Variants in USO1 observed in about 807,000 individuals in gnomAD.
USO1 encodes the protein USO1 vesicle transport factor.
In USO1, 57 loss-of-function variants were observed where a neutral mutation model predicts 124.5. That is an observed-to-expected ratio of 0.46 (90% CI 0.37 to 0.57). The LOEUF (loss-of-function observed/expected upper bound fraction) is 0.57. USO1 is among the 20% of genes least tolerant of loss of function. The probability of loss-of-function intolerance (pLI) is 0.00; values close to 1 mark genes in which losing one functional copy is unlikely to be tolerated. For missense variants in USO1, 900 were observed against 1,040.6 expected (o/e 0.86, Z 1.86); for synonymous variants, 369 against 362.8 (o/e 1.02, Z -0.19).
chr4:75,744,026 A>T (rs1226021478), intron 1 of USO1, among the ~76,000 whole-genome samples: 1 of 152,132 alleles, frequency 6.6e-6, no homozygotes, highest in East Asian at 1.9e-4. Context: ...TCCGCCCGCC[A>T]TGGCCTCCCA....
At chr4:75,774,472 T>C (rs1722017551) in intron 7 of USO1, among the ~76,000 whole-genome samples, 1 of 152,220 alleles carries the variant, frequency 6.6e-6, no homozygotes, top group African/African-American at 2.4e-5. Context: ...AAGAGGATTC[T>C]AGTCTAGTGT....
At chr4:75,754,058 A>AT (rs1721365186) in intron 3 of USO1, among the ~76,000 whole-genome samples, 1 of 149,270 alleles carries the variant, frequency 6.7e-6, no homozygotes, top group African/African-American at 2.5e-5. Flanking sequence ...AAGTGCTGGG[A>AT]TTACAGGCGT....
In USO1 at chr4:75,810,458, G is replaced by T; in HGVS notation, c.2502G>T (p.Glu834Asp). Residue 834 changes from glutamate to aspartate, a missense_variant, in exon 22 of 24, where the codon GAG (glutamate) becomes GAT (aspartate). Physicochemically the swap from Glu to Asp is conservative, Grantham distance 45. This residue lies in a region of USO1 where 362 missense variants were observed against 359.0 expected (regional missense o/e 1.01). Coordinates refer to ENST00000514213, the MANE Select transcript of USO1 (RefSeq NM_003715.4). ...AFAKSVEVQGETETIIATKTT... is the reference protein window; with the variant it reads ...AFAKSVEVQGDTETIIATKTT... ...CAAAATCAGTTGAGGTACAAGGAGA[G>T]ACCGAGACTATAATAGCCACCAAAA... The T allele has an allele frequency of 6.2e-7, 1 of 1,612,620 alleles. No individual in the cohort carries two copies.
chr4:75,805,381 G>A (rs147819440), intron 19 of USO1, 78 bp downstream of exon 19: 1 of 1,440,114 alleles, frequency 6.9e-7, no homozygotes, highest in Admixed American at 2.9e-5. Flanking sequence ...TTTTTCCTTG[G>A]ATCTCTTAAG....
chr4:75,748,334 G>A (rs961572451), intron 1 of USO1, among the ~76,000 whole-genome samples: 10 of 151,306 alleles, frequency 6.6e-5, no homozygotes, highest in African/African-American at 1.5e-4. Context: ...GACTACAGGC[G>A]TGCATGACCA....
At chr4:75,733,930 C>G (rs1008222265) in intron 1 of USO1, among the ~76,000 whole-genome samples, 2 of 131,444 alleles carry the variant, frequency 1.5e-5, no homozygotes, top group South Asian at 4.9e-4. Context: ...AGATTTTCTT[C>G]GAGGATTTTT....
intron 1 of USO1, among the ~76,000 whole-genome samples, chr4:75,743,232 G>A (rs986063850): frequency 2.6e-5 from 4 of 152,106 alleles, no homozygotes; most frequent in Non-Finnish European, 4.4e-5. Context: ...TGATCCACCC[G>A]TGTCGGCCTC....
chr4:75,752,633 C>T (rs1413381035), intron 3 of USO1, 29 bp downstream of exon 3: 2 of 398,108 alleles, frequency 5.0e-6, no homozygotes, highest in Non-Finnish European at 8.9e-6. Flanking sequence ...ATTTTTTTCC[C>T]TAATTTTTCT....
At chr4:75,781,850 G>A (rs192838413) in intron 8 of USO1, among the ~76,000 whole-genome samples, 5 of 152,252 alleles carry the variant, frequency 3.3e-5, no homozygotes, top group Admixed American at 6.5e-5. Flanking sequence ...TTGTCGTTAC[G>A]TACAGCATCC....
In USO1 at chr4:75,790,220, C is replaced by T. The variant is rs1280948942; in HGVS notation, c.1067C>T (p.Ala356Val). ...CAAGACTACTTTGCATCTGTAAATGCACCTTCAAACCCACCAAGGTAGAAA... is the reference window on the plus strand; with the variant it reads ...CAAGACTACTTTGCATCTGTAAATGTACCTTCAAACCCACCAAGGTAGAAA... ...VNQDYFASVN[A>V]PSNPPRPAIV... Residue 356 changes from alanine (A) to valine (V), a missense_variant, in exon 11 of 24, where the codon GCA becomes GTA. Coordinates refer to ENST00000514213, the MANE Select transcript of USO1 (RefSeq NM_003715.4). 1.3e-6 allele frequency: 2 copies of T among 1,599,308 alleles called. No homozygotes were observed. The highest frequency in any genetic ancestry group is 1.7e-5 in the Admixed American group (1 of 58,242).
chr4:75,800,192 C>T (rs756449307), intron 14 of USO1, among the ~76,000 whole-genome samples, 159 bp from the exon 15 acceptor site: 4 of 152,098 alleles, frequency 2.6e-5, no homozygotes, highest in Non-Finnish European at 2.9e-5. Flanking sequence ...CCACCTTGGC[C>T]TCCCAAAGTG....
At chr4:75,772,698 TTAAA>T (rs1351248990) in intron 7 of USO1, among the ~76,000 whole-genome samples, 2 of 152,190 alleles carry the variant, frequency 1.3e-5, no homozygotes, top group Admixed American at 1.3e-4. Flanking sequence ...GTCCTGCAAT[TTAAA>T]TAAGAGGATA....
chr4:75,760,561 TTTTTA>T (rs1415955480), intron 4 of USO1: 1 of 397,158 alleles, frequency 2.5e-6, no homozygotes, highest in Non-Finnish European at 4.4e-6. Flanking sequence ...TATCATCCAC[TTTTTA>T]TTTATTTATT....
intron 4 of USO1, among the ~76,000 whole-genome samples, chr4:75,764,658 G>A (rs564042074): frequency 6.6e-6 from 1 of 151,674 alleles, no homozygotes; most frequent in Admixed American, 6.6e-5. Flanking sequence ...AATTTTTAAT[G>A]TTTTCCCAAA....
chr4:75,752,253 G>C, intron 1 of USO1, 120 bp from the exon 2 acceptor site: 1 of 395,172 alleles, frequency 2.5e-6, no homozygotes, highest in East Asian at 3.6e-5. Flanking sequence ...ATTTCTGAAA[G>C]ACCATTTCTG....
At position 75,759,246 on chromosome 4, in the gene USO1, C is replaced by CTTTTTTTTTTTTTTTTTTTTTTTTT. The variant is rs71208100; in HGVS notation, c.295+1691_295+1692insTTTTTTTTTTTTTTTTTTTTTTTTT. On this transcript the variant is annotated intron_variant, in intron 4 of 23. Transcript: ENST00000514213. The stretch of plus-strand genomic sequence containing the variant: ...TAATAGAATCACTTTTATTAAGGAC[C>CTTTTTTTTTTTTTTTTTTTTTTTTT]TTTTTTTTTTTTTTTTTTCTGAAAA... 2.6e-4 allele frequency among the ~76,000 whole-genome samples: 18 copies of CTTTTTTTTTTTTTTTTTTTTTTTTT among 69,118 alleles called. 3 individuals are homozygous for CTTTTTTTTTTTTTTTTTTTTTTTTT. The highest frequency in any genetic ancestry group is 9.7e-4 in the African/African-American group (15 of 15,522). The allele number at this position is 69,118 out of a possible 152,430, so 45.3% of individuals were successfully genotyped here. A position where few individuals can be genotyped will look rare whatever the true frequency, so the allele number is the denominator to read the frequency against.
At position 75,782,684 on chromosome 4, in the gene USO1, A is replaced by G. The variant is rs1448599892; in HGVS notation, c.681A>G (p.Ile227Met). 1.3e-6 allele frequency: 2 copies of G among 1,558,290 alleles called. No homozygotes were observed. Among genetic ancestry groups the G allele is most frequent in the South Asian group, 1.2e-5 (1 of 83,804 alleles). ...ISEEGNSDGG[I>M]VVEDCLILLQ... Reference sequence around the variant, plus strand: ...TGTTTTACATTATTTCCCCAGGTATAGTAGTTGAAGATTGTTTGATTTTGC... The same window carrying G: ...TGTTTTACATTATTTCCCCAGGTATGGTAGTTGAAGATTGTTTGATTTTGC... The change falls in exon 9 of 24, where the codon ATA becomes ATG. Residue 227 changes from isoleucine to methionine, a missense_variant. By Grantham distance (10) the Ile-to-Met change is conservative. This residue lies in a region of USO1 where 538 missense variants were observed against 681.6 expected (regional missense o/e 0.79). Transcript: ENST00000514213.
intron 7 of USO1, among the ~76,000 whole-genome samples, chr4:75,772,426 A>T (rs1406013968): frequency 4.6e-5 from 7 of 152,002 alleles, no homozygotes; most frequent in African/African-American, 1.7e-4. Flanking sequence ...TTTAGTAGAG[A>T]CAGGGTTTCA....
intron 4 of USO1, among the ~76,000 whole-genome samples, chr4:75,763,567 G>A (rs1239865736): frequency 1.3e-5 from 2 of 152,048 alleles, no homozygotes; most frequent in Non-Finnish European, 2.9e-5. Flanking sequence ...AAATTGAGGA[G>A]CATCTGTGTA....
Sources: gnomAD v4.1 joint callset for allele counts (sites outside exome capture counted in the v4.1 genomes callset) on GRCh38, gnomAD v4.1.1 for gene constraint, gnomAD v4.1.1 regional missense constraint, MANE v1.5 for transcripts, NCBI Gene and HGNC (gene_info 2026-07-23, HGNC 2026-07-21) for gene names.